UBE2E2: variants seen among roughly 807,000 people sequenced by gnomAD.
The protein encoded by UBE2E2 is ubiquitin conjugating enzyme E2 E2.
Under a neutral mutation model 24.7 loss-of-function variants are expected in UBE2E2, and 6 were observed. That is an observed-to-expected ratio of 0.24 (90% confidence interval 0.13 to 0.48). The LOEUF is 0.48. Among genes scored for constraint, UBE2E2 ranks in the 20% least tolerant of loss-of-function variants. The pLI is 0.99. For synonymous variants in UBE2E2, 104 were observed against 83.6 expected, an observed-to-expected ratio of 1.24 and a Z score of -1.33; for missense variants, 169 against 245.0, an observed-to-expected ratio of 0.69 and a Z score of 2.07.
intron 3 of UBE2E2, among the ~76,000 whole-genome samples, chr3:23,434,064 A>T (rs920051556): frequency 6.6e-6 from 1 of 152,092 alleles, no homozygotes; most frequent in Non-Finnish European, 1.5e-5. Flanking sequence ...GTCTGAAGCT[A>T]ATAGGTTGTG....
At position 23,523,465 on chromosome 3, in the gene UBE2E2, A is replaced by G. The variant is rs957444672; in HGVS notation, c.361-9089A>G. On this transcript the variant is annotated intron_variant, in intron 4 of 5. Coordinates refer to ENST00000396703, the MANE Select transcript of UBE2E2 (RefSeq NM_152653.4). ...TTGAATTGTACTTGAAAGCTAAAAG[A>G]TAGTAGTCTTATCATGTAGCATGCT... 5.3e-5 allele frequency among the ~76,000 whole-genome samples: 8 copies of G among 152,222 alleles called. No homozygotes were observed. The South Asian group carries it at 6.2e-4, about 12-fold the overall frequency.
At chr3:23,518,520 G>A (rs543093536) in intron 4 of UBE2E2, among the ~76,000 whole-genome samples, 10 of 152,330 alleles carry the variant, frequency 6.6e-5, no homozygotes, top group South Asian at 4.1e-4. Flanking sequence ...GCTAGTTTAT[G>A]TTTACAGTGA....
intron 3 of UBE2E2, among the ~76,000 whole-genome samples, chr3:23,449,520 T>C (rs1156711356): frequency 1.3e-5 from 2 of 152,240 alleles, no homozygotes; most frequent in African/African-American, 4.8e-5. Flanking sequence ...ACATTTGCTC[T>C]TTTCACCACT....
intron 5 of UBE2E2, among the ~76,000 whole-genome samples, chr3:23,569,594 A>G (rs1473740593): frequency 6.6e-6 from 1 of 152,146 alleles, no homozygotes; most frequent in African/African-American, 2.4e-5. Context: ...GGTATTTGGG[A>G]AAAGTAATGT....
chr3:23,311,101 T>C (rs1323224108), intron 3 of UBE2E2, among the ~76,000 whole-genome samples: 1 of 152,154 alleles, frequency 6.6e-6, no homozygotes, highest in Admixed American at 6.6e-5. Context: ...AATGAGAACA[T>C]GCGGTGTTTG....
At chr3:23,506,693 G>T (rs1694466055) in intron 4 of UBE2E2, among the ~76,000 whole-genome samples, 1 of 152,138 alleles carries the variant, frequency 6.6e-6, no homozygotes, top group African/African-American at 2.4e-5. Context: ...GAATGGAGTG[G>T]TGTGATCTCA....
chr3:23,205,145 AATATAGTTTT>A (rs1696113196), intron 1 of UBE2E2, among the ~76,000 whole-genome samples: 1 of 152,176 alleles, frequency 6.6e-6, no homozygotes, highest in Admixed American at 6.5e-5. Flanking sequence ...TAAGCCTCTT[AATATAGTTTT>A]AGGAAGGACT....
intron 3 of UBE2E2, among the ~76,000 whole-genome samples, chr3:23,391,411 T>C (rs931297829): frequency 6.6e-6 from 1 of 152,222 alleles, no homozygotes; most frequent in Non-Finnish European, 1.5e-5. Flanking sequence ...GCACATTCAC[T>C]TGTCATCAAA....
intron 5 of UBE2E2, among the ~76,000 whole-genome samples, chr3:23,577,162 C>T (rs1168888402): frequency 1.3e-5 from 2 of 151,946 alleles, no homozygotes; most frequent in Admixed American, 6.6e-5. Context: ...ATGTCTCTCA[C>T]TTTAAATTGA....
At chr3:23,209,759 G>A (rs1187400671) in intron 2 of UBE2E2, among the ~76,000 whole-genome samples, 10 of 152,240 alleles carry the variant, frequency 6.6e-5, no homozygotes, top group Admixed American at 3.9e-4. Flanking sequence ...AGTAGACCTT[G>A]TTTTCCTTTG....
chr3:23,367,362 C>T (rs1696287073), intron 3 of UBE2E2, among the ~76,000 whole-genome samples: 1 of 152,090 alleles, frequency 6.6e-6, no homozygotes, highest in Non-Finnish European at 1.5e-5. Context: ...ACTGGAAAAA[C>T]CAAGGCAGGA....
chr3:23,343,075 A>T (rs374171015), intron 3 of UBE2E2, among the ~76,000 whole-genome samples: 85 of 147,430 alleles, frequency 5.8e-4, no homozygotes, highest in African/African-American at 1.6e-3. Context: ...CTGCTATTTT[A>T]TGTTAAAACC....
At chr3:23,393,111 A>T (rs1317664350) in intron 3 of UBE2E2, among the ~76,000 whole-genome samples, 1 of 152,226 alleles carries the variant, frequency 6.6e-6, no homozygotes, top group East Asian at 1.9e-4. Flanking sequence ...GTTCTGCAAA[A>T]TGTATGTGGG....
At chr3:23,389,164 TG>T (rs796948864) in intron 3 of UBE2E2, among the ~76,000 whole-genome samples, 1 of 152,158 alleles carries the variant, frequency 6.6e-6, no homozygotes, top group Non-Finnish European at 1.5e-5. Context: ...CAATAATCTA[TG>T]TTTTTTTGTC....
chr3:23,242,825 C>T (rs1697291887), intron 3 of UBE2E2, among the ~76,000 whole-genome samples: 1 of 152,156 alleles, frequency 6.6e-6, no homozygotes. Context: ...GTGGCTCACA[C>T]CTGTAATCCC....
At chr3:23,292,069 A>G (rs1008742966) in intron 3 of UBE2E2, among the ~76,000 whole-genome samples, 5 of 152,022 alleles carry the variant, frequency 3.3e-5, no homozygotes, top group East Asian at 1.9e-4. Context: ...CGTGTTAACC[A>G]GGATGGTCTT....
At chr3:23,220,909 G>C (rs887042221) in intron 3 of UBE2E2, among the ~76,000 whole-genome samples, 1 of 152,194 alleles carries the variant, frequency 6.6e-6, no homozygotes, top group African/African-American at 2.4e-5. Context: ...CTCGGTGCTA[G>C]TGGAGAACTG....
rs547957523 is a variant in UBE2E2, at chr3:23,319,540, A to G, written c.227+102228A>G. ...TACAACAATCCTGTGACCAAAAGCT[A>G]TCCTTCTCTACCAGGCATGGTGGCT... On this transcript the variant is annotated intron_variant, in intron 3 of 5. Transcript: ENST00000396703. Among the ~76,000 whole-genome samples the G allele has an allele frequency of 6.8e-4, 103 of 152,274 alleles. 5 individuals are homozygous for G. The highest frequency in any genetic ancestry group is 2.3e-3 in the African/African-American group (96 of 41,558).
At chr3:23,334,407 G>A (rs1045115895) in intron 3 of UBE2E2, among the ~76,000 whole-genome samples, 10 of 152,076 alleles carry the variant, frequency 6.6e-5, no homozygotes, top group South Asian at 2.1e-4. Flanking sequence ...GGGCACAGCC[G>A]TTGGTGTGTA....
Sources: gnomAD v4.1 joint callset for allele counts (sites outside exome capture counted in the v4.1 genomes callset) on GRCh38, gnomAD v4.1.1 for gene constraint, MANE v1.5 for transcripts, NCBI Gene and HGNC (gene_info 2026-07-23, HGNC 2026-07-21) for gene names.